Variants in IL22RA1 observed in about 807,000 individuals in gnomAD.
The protein encoded by IL22RA1 is interleukin-22 receptor subunit alpha-1.
A neutral mutation model predicts 32.8 loss-of-function variants in IL22RA1; 25 were observed. The ratio of observed to expected loss-of-function variants is 0.76; its 90% CI spans 0.55 to 1.06. The LOEUF is 1.06. Among genes scored for constraint, IL22RA1 ranks in the 50% least tolerant of loss-of-function variants. IL22RA1 has a pLI of 0.00. For missense variants in IL22RA1, 709 were observed against 727.4 expected, an observed-to-expected ratio of 0.97 and a Z score of 0.29; for synonymous variants, 305 against 305.0, an observed-to-expected ratio of 1.00 and a Z score of 0.00.
chr1:24,141,653 C>A (rs1644282164), intron 1 of IL22RA1, among the ~76,000 whole-genome samples: 2 of 152,276 alleles, frequency 1.3e-5, no homozygotes, highest in African/African-American at 2.4e-5. Flanking sequence ...CAGGGTCTAA[C>A]AAGATCTCCC....
chr1:24,128,870 T>C (rs940872937), intron 4 of IL22RA1, among the ~76,000 whole-genome samples: 2 of 152,176 alleles, frequency 1.3e-5, no homozygotes, highest in Non-Finnish European at 2.9e-5. Context: ...AATGCTCTTC[T>C]ATTCAAAAGG....
intron 4 of IL22RA1, among the ~76,000 whole-genome samples, chr1:24,130,819 C>T (rs1644199157): frequency 1.3e-5 from 2 of 152,322 alleles, no homozygotes; most frequent in Middle Eastern, 6.8e-3. Context: ...ATTCTCCTGC[C>T]TCAGCCTCCT....
chr1:24,138,700 C>T lies in IL22RA1; in HGVS notation c.58G>A (p.Asp20Asn). ...ACGTGCTGGAGCAGATCCGAGGGGT[C>T]CTCAGGGGCGTGAGCTGCAGGAGGG... The part of the protein sequence containing the change: ...VGSLAAHAPE[D>N]PSDLLQHVKF... The change falls in exon 2 of 7, where the codon GAC (aspartate) becomes AAC (asparagine). Residue 20 changes from aspartate to asparagine, a missense_variant. By Grantham distance (23) the Asp-to-Asn change is conservative. Transcript: ENST00000270800. 1 of 1,614,076 alleles carries T rather than the reference C, an allele frequency of 6.2e-7. No homozygotes were observed. Among genetic ancestry groups the T allele is most frequent in the Non-Finnish European group, 8.5e-7 (1 of 1,179,986 alleles).
chr1:24,142,292 C>T lies in IL22RA1; in HGVS notation c.43+748G>A, dbSNP rs377682129. Among the ~76,000 whole-genome samples, 38 of 152,338 alleles carry T rather than the reference C, an allele frequency of 2.5e-4. No homozygotes were observed. In the South Asian group the frequency reaches 3.5e-3, roughly 14 times the overall value. On this transcript the variant is annotated intron_variant, in intron 1 of 6. Transcript: ENST00000270800. ...GGGCCTGGCCGAGGCCATACCTGCT[C>T]GCCATCCTCAATCAGGACTATGCTT... is the stretch of plus-strand genomic sequence containing the variant.
At chr1:24,141,935 A>T (rs1644283735) in intron 1 of IL22RA1, among the ~76,000 whole-genome samples, 1 of 152,148 alleles carries the variant, frequency 6.6e-6, no homozygotes, top group Non-Finnish European at 1.5e-5. Flanking sequence ...TCAGCCTAAG[A>T]TTGGGGGGGT....
chr1:24,131,846 G>C (rs1644206898), intron 4 of IL22RA1, among the ~76,000 whole-genome samples: 1 of 152,112 alleles, frequency 6.6e-6, no homozygotes, highest in African/African-American at 2.4e-5. Flanking sequence ...ACGTTCACCA[G>C]GACAGGCCAT....
Position 24,120,934 on chromosome 1 carries a change from C to A in IL22RA1, c.1596G>T (p.Leu532=), listed in dbSNP as rs755584982. The change falls in exon 7 of 7, where the codon CTG becomes CTT. Residue 532 remains leucine (L), a synonymous_variant. Transcript: ENST00000270800. The part of the protein sequence containing the change: ...PSDQGPSPWG[L]LESLVCPKDE... ...CCTTGGGACACACAAGGGACTCCAG[C>A]AGGCCCCAGGGACTTGGACCTTGGT... 2 of 1,614,216 alleles carry A rather than the reference C, an allele frequency of 1.2e-6. No individual in the cohort carries two copies. Among genetic ancestry groups the A allele is most frequent in the East Asian group, 2.2e-5 (1 of 44,884 alleles).
At chr1:24,130,997 A>G (rs78010040) in intron 4 of IL22RA1, among the ~76,000 whole-genome samples, 2,343 of 152,316 alleles carry the variant, frequency 0.015, 78 homozygotes, top group African/African-American at 0.054. Flanking sequence ...GGGCCACCTC[A>G]CCTGGCCAAC....
intron 1 of IL22RA1, among the ~76,000 whole-genome samples, chr1:24,139,383 T>C (rs1188843852): frequency 2.6e-5 from 4 of 152,240 alleles, no homozygotes; most frequent in African/African-American, 9.6e-5. Context: ...CCATGAATAA[T>C]GCTGCTGTGA....
At position 24,142,322 on chromosome 1, in the gene IL22RA1, T is replaced by A. The variant is rs183557445; in HGVS notation, c.43+718A>T. 6.7e-3 allele frequency among the ~76,000 whole-genome samples: 1,021 copies of A among 152,324 alleles called. 20 individuals are homozygous for A. The highest frequency in any genetic ancestry group is 0.061 in the South Asian group (295 of 4,832). ...TCCTCAATCAGGACTATGCTTTGACTTCCTAAGGAAGTTCCCTGAATTTCA... is the reference window on the plus strand; with the variant it reads ...TCCTCAATCAGGACTATGCTTTGACATCCTAAGGAAGTTCCCTGAATTTCA... On this transcript the variant is annotated intron_variant, in intron 1 of 6. Transcript: ENST00000270800.
intron 4 of IL22RA1, among the ~76,000 whole-genome samples, chr1:24,132,593 A>C (rs1308518766): frequency 3.3e-5 from 5 of 151,738 alleles, no homozygotes; most frequent in Non-Finnish European, 7.4e-5. Flanking sequence ...CGGCCTCCCA[A>C]AGTGCTGGGA....
chr1:24,141,918 T>C (rs1644283643), intron 1 of IL22RA1, among the ~76,000 whole-genome samples: 1 of 152,132 alleles, frequency 6.6e-6, no homozygotes, highest in African/African-American at 2.4e-5. Flanking sequence ...TTCCACATGC[T>C]CTGGAGTCAG....
Position 24,121,430 on chromosome 1 carries a change from T to G in IL22RA1, c.1100A>C (p.Gln367Pro). Residue 367 changes from glutamine to proline, a missense_variant, in exon 7 of 7, where the codon CAG becomes CCG. Coordinates refer to ENST00000270800, the MANE Select transcript of IL22RA1 (RefSeq NM_021258.4). Reference sequence around the variant, plus strand: ...TGGGAATTGAGCTTCGGGGGTCACCTGAGGTGCATAGGATGGGGGCCCGAC... The same window carrying G: ...TGGGAATTGAGCTTCGGGGGTCACCGGAGGTGCATAGGATGGGGGCCCGAC... ...PEVGPPSYAPQVTPEAQFPFY... is the reference protein window; with the variant it reads ...PEVGPPSYAPPVTPEAQFPFY... The G allele has an allele frequency of 6.5e-7, 1 of 1,549,318 alleles. No individual in the cohort carries two copies. The highest frequency in any genetic ancestry group is 8.7e-7 in the Non-Finnish European group (1 of 1,145,896).
rs1049580476 is a variant in IL22RA1 at position 24,121,223 on chromosome 1, G to C, written c.1307C>G (p.Pro436Arg). ...GCCACCTAACATGCAGCTTCCAGCT[G>C]GTGGCTCTTTCTGAAGCTGACCTTT... ...RPKGQLQKEPPAGSCMLGGLS... is the reference protein window; with the variant it reads ...RPKGQLQKEPRAGSCMLGGLS... Residue 436 changes from proline to arginine, a missense_variant, in exon 7 of 7, where the codon CCA (proline) becomes CGA (arginine). Transcript: ENST00000270800. 6 of 1,614,118 alleles carry C rather than the reference G, an allele frequency of 3.7e-6. No homozygotes were observed. The African/African-American group carries it at 8.0e-5, about 22-fold the overall frequency.
At chr1:24,138,003 G>A (rs890133099) in intron 2 of IL22RA1, among the ~76,000 whole-genome samples, 2 of 152,072 alleles carry the variant, frequency 1.3e-5, no homozygotes, top group Non-Finnish European at 2.9e-5. Flanking sequence ...AGAGAAATGA[G>A]GCTCAGAGAG....
At chr1:24,142,542 T>C (rs1478967770) in intron 1 of IL22RA1, among the ~76,000 whole-genome samples, 1 of 152,162 alleles carries the variant, frequency 6.6e-6, no homozygotes, top group South Asian at 2.1e-4. Flanking sequence ...CTCTTTCAGA[T>C]CTATGATAAC....
rs1047673305 is a variant in IL22RA1 at position 24,142,953 on chromosome 1, C to T, written c.43+87G>A. The T allele has an allele frequency of 2.5e-5, 32 of 1,295,718 alleles. No individual in the cohort carries two copies. In the African/African-American group the frequency reaches 2.9e-4, roughly 12 times the overall value. 80.3% of individuals were successfully genotyped at this position (1,295,718 alleles called of 1,614,324 possible). ...GGGAGAAACTGAAACTGGCTATGCTCGGGCTGGGGAGGGTGCTGGGGAGAT... is the reference window on the plus strand; with the variant it reads ...GGGAGAAACTGAAACTGGCTATGCTTGGGCTGGGGAGGGTGCTGGGGAGAT... On this transcript the variant is annotated intron_variant, in intron 1 of 6. Coordinates refer to ENST00000270800, the MANE Select transcript of IL22RA1 (RefSeq NM_021258.4).
intron 5 of IL22RA1, among the ~76,000 whole-genome samples, chr1:24,125,216 C>T (rs1644152806): frequency 6.6e-6 from 1 of 152,128 alleles, no homozygotes; most frequent in South Asian, 2.1e-4. Context: ...AAACACATCA[C>T]AGAGGGGTAG....
chr1:24,131,191 T>C (rs2148572805), intron 4 of IL22RA1, among the ~76,000 whole-genome samples: 1 of 152,314 alleles, frequency 6.6e-6, no homozygotes, highest in South Asian at 2.1e-4. Context: ...CTCAAAAACA[T>C]TTTGGAAATG....
Sources: gnomAD v4.1 joint callset for allele counts (sites outside exome capture counted in the v4.1 genomes callset) on GRCh38, gnomAD v4.1.1 for gene constraint, MANE v1.5 for transcripts, NCBI Gene and HGNC (gene_info 2026-07-23, HGNC 2026-07-21) for gene names.